Variants in PSMC2 observed in about 807,000 individuals in gnomAD.
PSMC2 encodes 26S proteasome regulatory subunit 7.
PSMC2 carries 7 observed loss-of-function variants against 53.3 expected under a neutral mutation model. That is an observed-to-expected ratio of 0.13 (90% CI 0.07 to 0.25). PSMC2 has a LOEUF of 0.25. Among genes scored for constraint, PSMC2 ranks in the 10% least tolerant of loss-of-function variants. The pLI, the probability that PSMC2 is intolerant of heterozygous loss-of-function variation, is 1.00. For missense variants in PSMC2, 241 were observed against 544.0 expected, an observed-to-expected ratio of 0.44 and a Z score of 5.54; for synonymous variants, 169 against 183.9, an observed-to-expected ratio of 0.92 and a Z score of 0.66.
chr7:103,359,901 G>A (rs1263627090), intron 4 of PSMC2, among the ~76,000 whole-genome samples: 1 of 152,052 alleles, frequency 6.6e-6, no homozygotes, highest in Non-Finnish European at 1.5e-5. Flanking sequence ...CCAACATGGT[G>A]AAACCTGTCT....
At position 103,368,253 on chromosome 7, in the gene PSMC2, G is replaced by C. The variant is rs1372902710; in HGVS notation, c.*199G>C. On this transcript the variant is annotated 3_prime_UTR_variant, in exon 12 of 12. Coordinates refer to ENST00000292644, the MANE Select transcript of PSMC2 (RefSeq NM_002803.4). ...TAGAATATATTTTGACTATTTTTTT[G>C]ACCCACACCCGTTTAAGGATTTCAC... is the stretch of plus-strand genomic sequence containing the variant. 1 of 556,136 alleles carries C rather than the reference G, an allele frequency of 1.8e-6. No homozygotes were observed. The highest frequency in any genetic ancestry group is 3.0e-6 in the Non-Finnish European group (1 of 335,576). 34.5% of individuals were successfully genotyped at this position (556,136 alleles called of 1,614,324 possible).
intron 3 of PSMC2, 94 bp downstream of exon 3, chr7:103,355,043 A>C (rs1464835216): frequency 1.2e-6 from 1 of 808,382 alleles, no homozygotes; most frequent in Non-Finnish European, 2.0e-6. Context: ...TCATGATTAC[A>C]GATTTAAAAA....
At chr7:103,352,647 C>T (rs538595589) in intron 1 of PSMC2, 31 of 511,122 alleles carry the variant, frequency 6.1e-5, no homozygotes, top group Middle Eastern at 5.6e-4. Context: ...TCAAGCAATC[C>T]GCCTGTCTCG....
Position 103,369,213 on chromosome 7 carries a change from T to C in PSMC2, c.*1159T>C, listed in dbSNP as rs1244604818. The C allele has an allele frequency of 6.6e-6, 1 of 152,222 alleles. No homozygotes were observed. The highest frequency in any genetic ancestry group is 1.9e-4 in the East Asian group (1 of 5,208). 9.4% of individuals were successfully genotyped at this position (152,222 alleles called of 1,614,324 possible). A position where few individuals can be genotyped will look rare whatever the true frequency, so the allele number is the denominator to read the frequency against. ...AAAATCCAACCAACATTCTTGATTT[T>C]TCATTTTTATGAACTTGATCAGAAA... On this transcript the variant is annotated 3_prime_UTR_variant, in exon 12 of 12. Coordinates refer to ENST00000292644, the MANE Select transcript of PSMC2 (RefSeq NM_002803.4).
At chr7:103,360,307 G>A (rs1366943023) in intron 4 of PSMC2, among the ~76,000 whole-genome samples, 4 of 152,070 alleles carry the variant, frequency 2.6e-5, no homozygotes, top group Non-Finnish European at 5.9e-5. Context: ...CCAGGGTTTG[G>A]TATTATTGCT....
chr7:103,348,082 G>A (rs944658492), intron 1 of PSMC2, among the ~76,000 whole-genome samples: 2 of 152,084 alleles, frequency 1.3e-5, no homozygotes, highest in African/African-American at 4.8e-5. Flanking sequence ...GGCGGTGCTC[G>A]GTCACCTGAT....
intron 7 of PSMC2, among the ~76,000 whole-genome samples, chr7:103,363,829 A>G (rs541256410): frequency 6.6e-6 from 1 of 152,336 alleles, no homozygotes; most frequent in South Asian, 2.1e-4. Context: ...AATACCAGAT[A>G]ATTTTGTTCC....
intron 1 of PSMC2, chr7:103,353,041 T>C (rs1819813555): frequency 1.3e-6 from 1 of 767,986 alleles, no homozygotes; most frequent in Admixed American, 1.7e-5. Context: ...GGATTACAAA[T>C]AAATTTGAGC....
Position 103,348,657 on chromosome 7 carries a change from C to A in PSMC2, c.70+876C>A, listed in dbSNP as rs1027761589. 5.2e-6 allele frequency: 8 copies of A among 1,548,528 alleles called. No homozygotes were observed. In the South Asian group the frequency reaches 8.9e-5, roughly 17 times the overall value. ...CGCGAAAATTCGGCCAGGGTTCTCG[C>A]TCTTGTCGCGTCTGTTCAAACCGGC... is the stretch of plus-strand genomic sequence containing the variant. On this transcript the variant is annotated intron_variant, in intron 1 of 11. Transcript: ENST00000292644.
chr7:103,365,551 C>T (rs942784496), intron 8 of PSMC2, among the ~76,000 whole-genome samples: 5 of 152,184 alleles, frequency 3.3e-5, no homozygotes, highest in African/African-American at 4.8e-5. Context: ...ATCGCTTGAA[C>T]CCAGAAGGCG....
chr7:103,365,912 A>G (rs1820695125), intron 8 of PSMC2, among the ~76,000 whole-genome samples, 164 bp from the exon 9 acceptor site: 1 of 152,224 alleles, frequency 6.6e-6, no homozygotes, highest in African/African-American at 2.4e-5. Context: ...TGGGCGACAG[A>G]GGAAGACTCC....
At chr7:103,350,026 T>G (rs1819694089) in intron 1 of PSMC2, among the ~76,000 whole-genome samples, 1 of 152,216 alleles carries the variant, frequency 6.6e-6, no homozygotes, top group African/African-American at 2.4e-5. Flanking sequence ...CAATTTTTGT[T>G]ATGTGCAACC....
chr7:103,366,994 G>T (rs111699781), intron 9 of PSMC2, among the ~76,000 whole-genome samples: 1 of 152,048 alleles, frequency 6.6e-6, no homozygotes, highest in Non-Finnish European at 1.5e-5. Context: ...TAGTAGAGAC[G>T]TGGTTTCACC....
In PSMC2 at chr7:103,347,689, C is replaced by A. The variant is rs1433722942; in HGVS notation, c.-23C>A. The A allele has an allele frequency of 2.5e-6, 4 of 1,613,382 alleles. No homozygotes were observed. The Admixed American group carries it at 5.0e-5, about 20-fold the overall frequency. Reference sequence around the variant, plus strand: ...AAGGTGCTGTGTAATCATTAAGGAGCGGAGGCTTTTGGAGCTGCTAAAATG... The same window carrying A: ...AAGGTGCTGTGTAATCATTAAGGAGAGGAGGCTTTTGGAGCTGCTAAAATG... On this transcript the variant is annotated 5_prime_UTR_variant, in exon 1 of 12. Coordinates refer to ENST00000292644, the MANE Select transcript of PSMC2 (RefSeq NM_002803.4).
chr7:103,351,762 C>G lies in PSMC2; in HGVS notation c.71-2159C>G, dbSNP rs192502788. ...TTTAAACTGAACTTCGTATCTCCCTCTGCTAACCACTTTCTATTGTGACTT... is the reference window on the plus strand; with the variant it reads ...TTTAAACTGAACTTCGTATCTCCCTGTGCTAACCACTTTCTATTGTGACTT... On this transcript the variant is annotated intron_variant, in intron 1 of 11. Coordinates refer to ENST00000292644, the MANE Select transcript of PSMC2 (RefSeq NM_002803.4). Among the ~76,000 whole-genome samples, 70 of 152,282 alleles carry G rather than the reference C, an allele frequency of 4.6e-4. 3 individuals carry two copies. The South Asian group carries it at 8.7e-3, about 19-fold the overall frequency.
At position 103,347,669 on chromosome 7, in the gene PSMC2, G is replaced by T. The variant is rs772549436; in HGVS notation, c.-43G>T. ...AGACACCACCGGAAGCAAGGAAGGT[G>T]CTGTGTAATCATTAAGGAGCGGAGG... On this transcript the variant is annotated 5_prime_UTR_variant, in exon 1 of 12. Coordinates refer to ENST00000292644, the MANE Select transcript of PSMC2 (RefSeq NM_002803.4). 6.2e-7 allele frequency: 1 copy of T among 1,610,284 alleles called. No individual in the cohort carries two copies. Among genetic ancestry groups the T allele is most frequent in the Non-Finnish European group, 8.5e-7 (1 of 1,176,772 alleles).
upstream of PSMC2, chr7:103,347,636 G>A (rs1819631491): frequency 6.4e-7 from 1 of 1,554,550 alleles, no homozygotes; most frequent in African/African-American, 1.4e-5. Flanking sequence ...GTGGGGAAGG[G>A]AAAGGGAAGA....
chr7:103,352,700 A>G (rs1819790081), intron 1 of PSMC2: 2 of 629,718 alleles, frequency 3.2e-6, no homozygotes, highest in Non-Finnish European at 2.9e-6. Context: ...GGCTGATTAT[A>G]ATCTTAAATC....
chr7:103,357,103 A>G (rs1356050792), intron 4 of PSMC2, among the ~76,000 whole-genome samples: 2 of 152,102 alleles, frequency 1.3e-5, no homozygotes, highest in South Asian at 2.1e-4. Context: ...AGGCAGGCAG[A>G]TGACTTGAGG....
Sources: allele counts gnomAD v4.1 joint callset (sites outside exome capture counted in the v4.1 genomes callset), GRCh38; gene constraint gnomAD v4.1.1; transcripts MANE v1.5; gene names NCBI Gene and HGNC (gene_info 2026-07-23, HGNC 2026-07-21).